The following ADAMTS7 variants were observed in gnomAD, a reference collection of about 807,000 sequenced individuals.
ADAMTS7 encodes the protein A disintegrin and metalloproteinase with thrombospondin motifs 7.
In ADAMTS7, 89 loss-of-function variants were observed where a neutral mutation model predicts 172.6. That is an observed-to-expected ratio of 0.52 (90% CI 0.43 to 0.61). ADAMTS7 has a LOEUF of 0.61. ADAMTS7 is among the 20% of genes least tolerant of loss of function. ADAMTS7 has a pLI of 0.00. For synonymous variants in ADAMTS7, 885 were observed against 978.4 expected, an observed-to-expected ratio of 0.90 and a Z score of 1.78; for missense variants, 1,973 against 2,355.6, an observed-to-expected ratio of 0.84 and a Z score of 3.36.
chr15:78,806,121 CA>C (rs2055788638), intron 1 of ADAMTS7, among the ~76,000 whole-genome samples: 2 of 22,618 alleles, frequency 8.8e-5, no homozygotes, highest in Non-Finnish European at 1.7e-4. Context: ...CACACACACA[CA>C]CACACAAAAA....
Position 78,766,956 on chromosome 15 carries a change from G to A in ADAMTS7, c.2955C>T (p.Ser985=), listed in dbSNP as rs575972963. The A allele has an allele frequency of 1.2e-5, 20 of 1,610,618 alleles. No homozygotes were observed. The highest frequency in any genetic ancestry group is 6.7e-5 in the African/African-American group (5 of 74,972). The change falls in exon 19 of 24, where the codon AGC becomes AGT. Residue 985 remains serine, a synonymous_variant. Transcript: ENST00000388820. ...AGAGTGGCAGAGAGCAGGTGACTTCGCTGGCTGGCTGCTGGGCCTCGTCAC... is the reference window on the plus strand; with the variant it reads ...AGAGTGGCAGAGAGCAGGTGACTTCACTGGCTGGCTGCTGGGCCTCGTCAC... ...VPCDEAQQPA[S]EVTCSLPLCR...
chr15:78,770,054 T>C (rs2055221006), intron 16 of ADAMTS7, among the ~76,000 whole-genome samples: 1 of 151,902 alleles, frequency 6.6e-6, no homozygotes. Flanking sequence ...TCCCAGCTAC[T>C]CGGGAGGCTG....
Position 78,790,059 on chromosome 15 carries a change from C to T in ADAMTS7, c.1029-221G>A, listed in dbSNP as rs142754252. Among the ~76,000 whole-genome samples, 197 of 152,338 alleles carry T rather than the reference C, an allele frequency of 1.3e-3. 1 individual carries two copies. The South Asian group carries it at 0.017, about 13-fold the overall frequency. On this transcript the variant is annotated intron_variant, in intron 6 of 23. Coordinates refer to ENST00000388820, the MANE Select transcript of ADAMTS7 (RefSeq NM_014272.5). Reference sequence around the variant, plus strand: ...TCTTTGGCCCTTGAGAGCACAGACCCGCACAGAACAATTTTGGTTACTATC... The same window carrying T: ...TCTTTGGCCCTTGAGAGCACAGACCTGCACAGAACAATTTTGGTTACTATC...
intron 20 of ADAMTS7, 127 bp downstream of exon 20, chr15:78,764,428 G>A: frequency 2.4e-6 from 3 of 1,260,044 alleles, no homozygotes; most frequent in Non-Finnish European, 3.2e-6. Context: ...AATCCGGTGT[G>A]ATCGGGCACA....
At position 78,771,230 on chromosome 15, in the gene ADAMTS7, T is replaced by G. The variant is rs2055243619; in HGVS notation, c.2450A>C (p.Glu817Ala). The change falls in exon 16 of 24, where the codon GAG (glutamate) becomes GCG (alanine). Residue 817 changes from glutamate to alanine, a missense_variant. Physicochemically the swap from Glu to Ala is moderately radical, Grantham distance 107 (BLOSUM62 -1). Around this residue, in one of 8 missense-constraint regions of ADAMTS7, gnomAD observed 771 missense variants for 952.6 expected, o/e 0.81. Coordinates refer to ENST00000388820, the MANE Select transcript of ADAMTS7 (RefSeq NM_014272.5). This position sits in a 1 kb window ranked among gnomAD's most constrained non-coding sequence, Gnocchi z 4.9. ...TIHREAGGHD[E>A]VPPPVFSWHY... ...CCAGGAGAACACGGGCGGCGGGACC[T>G]CGTCGTGGCCACCTGCCTCCCTGTG... 1.2e-6 allele frequency: 2 copies of G among 1,612,000 alleles called. No individual in the cohort carries two copies. The highest frequency in any genetic ancestry group is 1.3e-5 in the African/African-American group (1 of 74,846).
At position 78,762,411 on chromosome 15, in the gene ADAMTS7, T is replaced by A; in HGVS notation, c.4895A>T (p.Glu1632Val). The change falls in exon 23 of 24, where the codon GAG (glutamate) becomes GTG (valine). Residue 1632 changes from glutamate (E) to valine (V), a missense_variant. Physicochemically the swap from Glu to Val is moderately radical, Grantham distance 121. This residue lies in a region of ADAMTS7 where 94 missense variants were observed against 95.4 expected (regional missense o/e 0.99). Coordinates refer to ENST00000388820, the MANE Select transcript of ADAMTS7 (RefSeq NM_014272.5). ...GGGGTCAGGGGACTCACGGGGAGGC[T>A]CGACGGGCTCACAATCCTCGGTGCC... ...PCGTEDCEPV[E>V]PPRCERDRLS... The A allele has an allele frequency of 6.8e-7, 1 of 1,480,370 alleles. No homozygotes were observed. The highest frequency in any genetic ancestry group is 9.0e-7 in the Non-Finnish European group (1 of 1,111,962). 91.7% of individuals were successfully genotyped at this position (1,480,370 alleles called of 1,614,324 possible).
At position 78,759,790 on chromosome 15, in the gene ADAMTS7, G is replaced by A. The variant is rs1292854123; in HGVS notation, c.4904-212C>T. On this transcript the variant is annotated intron_variant, in intron 23 of 23. Transcript: ENST00000388820. Reference sequence around the variant, plus strand: ...ATGGCCAACCCCAGGACTCGAGAACGGGTGCTGCTGGGCTGAGGTTTCTGG... The same window carrying A: ...ATGGCCAACCCCAGGACTCGAGAACAGGTGCTGCTGGGCTGAGGTTTCTGG... 9.9e-5 allele frequency among the ~76,000 whole-genome samples: 15 copies of A among 152,172 alleles called. No individual in the cohort carries two copies. In the East Asian group the frequency reaches 1.2e-3, roughly 12 times the overall value.
At position 78,798,022 on chromosome 15, in the gene ADAMTS7, A is replaced by G. The variant is rs780907561; in HGVS notation, c.548T>C (p.Val183Ala). 6.3e-7 allele frequency: 1 copy of G among 1,576,696 alleles called. No homozygotes were observed. The highest frequency in any genetic ancestry group is 8.6e-7 in the Non-Finnish European group (1 of 1,166,650). Residue 183 changes from valine (V) to alanine (A), a missense_variant, in exon 3 of 24, where the codon GTG becomes GCG. This residue lies in a region of ADAMTS7 where 306 missense variants were observed against 288.0 expected (regional missense o/e 1.06). Coordinates refer to ENST00000388820, the MANE Select transcript of ADAMTS7 (RefSeq NM_014272.5). Reference sequence around the variant, plus strand: ...CCTCTCCGGGGCCTGACGCTTGTACACCACATGGGGCTGGGCGTGGCCAGG... The same window carrying G: ...CCTCTCCGGGGCCTGACGCTTGTACGCCACATGGGGCTGGGCGTGGCCAGG... ...ARPGHAQPHVVYKRQAPERLA... is the reference protein window; with the variant it reads ...ARPGHAQPHVAYKRQAPERLA...
chr15:78,773,107 T>G lies in ADAMTS7; in HGVS notation c.2107A>C (p.Thr703Pro). Reference sequence around the variant, plus strand: ...CCCAGGCCCTCGGCCTCCTCGAAGGTCCCGCTCACGGTGTGGCAGGTGGAG... The same window carrying G: ...CCCAGGCCCTCGGCCTCCTCGAAGGGCCCGCTCACGGTGTGGCAGGTGGAG... ...NGSTCHTVSGTFEEAEGLGYV... is the reference protein window; with the variant it reads ...NGSTCHTVSGPFEEAEGLGYV... The change falls in exon 14 of 24, where the codon ACC (threonine) becomes CCC (proline). Residue 703 changes from threonine (T) to proline (P), a missense_variant. This residue lies in a region of ADAMTS7 where 771 missense variants were observed against 952.6 expected (regional missense o/e 0.81). Coordinates refer to ENST00000388820, the MANE Select transcript of ADAMTS7 (RefSeq NM_014272.5). 1 of 1,523,386 alleles carries G rather than the reference T, an allele frequency of 6.6e-7. No individual in the cohort carries two copies. The highest frequency in any genetic ancestry group is 2.3e-5 in the East Asian group (1 of 42,948). The allele number at this position is 1,523,386 out of a possible 1,614,324, so 94.4% of individuals were successfully genotyped here. A position where few individuals can be genotyped will look rare whatever the true frequency, so the allele number is the denominator to read the frequency against.
intron 6 of ADAMTS7, among the ~76,000 whole-genome samples, 184 bp from the exon 7 acceptor site, chr15:78,790,022 C>T (rs12905740): frequency 0.19 from 28,812 of 152,232 alleles, 3,139 homozygotes; most frequent in Non-Finnish European, 0.26. Context: ...TACACACAAC[C>T]GGCTGGGCAT....
rs2055862538 is a variant in ADAMTS7, at chr15:78,811,226, G to A, written c.-6C>T. 1 of 1,226,964 alleles carries A rather than the reference G, an allele frequency of 8.2e-7. No individual in the cohort carries two copies. The highest frequency in any genetic ancestry group is 4.3e-5 in the Admixed American group (1 of 23,528). The allele number at this position is 1,226,964 out of a possible 1,614,324, so 76.0% of individuals were successfully genotyped here. On this transcript the variant is annotated 5_prime_UTR_variant, in exon 1 of 24. Transcript: ENST00000388820. ...GGACTGGGGCCGCCGGGCATGGCAG[G>A]AACCGGGCGGCCGCCGGGTGACCCC...
intron 3 of ADAMTS7, among the ~76,000 whole-genome samples, chr15:78,797,562 G>T (rs1438535720): frequency 6.6e-6 from 1 of 152,214 alleles, no homozygotes; most frequent in Non-Finnish European, 1.5e-5. Flanking sequence ...GTGGTGGGAG[G>T]GAAGTTCCTG....
rs1464911429 is a variant in ADAMTS7 at position 78,774,394 on chromosome 15, G to A, written c.1877-94C>T. The A allele has an allele frequency of 4.1e-6, 6 of 1,450,852 alleles. No homozygotes were observed. The African/African-American group carries it at 8.4e-5, about 20-fold the overall frequency. The allele number at this position is 1,450,852 out of a possible 1,614,324, so 89.9% of individuals were successfully genotyped here. A position where few individuals can be genotyped will look rare whatever the true frequency, so the allele number is the denominator to read the frequency against. ...CCTCCGTGACACACATCCATGGCAGGCTGGAGGCTCCCAAGCAGCACCAAC... is the reference window on the plus strand; with the variant it reads ...CCTCCGTGACACACATCCATGGCAGACTGGAGGCTCCCAAGCAGCACCAAC... On this transcript the variant is annotated intron_variant, in intron 12 of 23. Coordinates refer to ENST00000388820, the MANE Select transcript of ADAMTS7 (RefSeq NM_014272.5).
In ADAMTS7 at chr15:78,764,115, C is replaced by T. The variant is rs1183545424; in HGVS notation, c.4420-16G>A. ...TGCGGGAGCACTGGGGACCGAGAGA[C>T]GTGTATGGACACATCCCCATGTGCA... On this transcript the variant is annotated splice_polypyrimidine_tract_variant and intron_variant, in intron 20 of 23. Transcript: ENST00000388820. The T allele has an allele frequency of 6.6e-6, 10 of 1,507,978 alleles. No homozygotes were observed. The highest frequency in any genetic ancestry group is 1.3e-5 in the South Asian group (1 of 78,486). The allele number at this position is 1,507,978 out of a possible 1,614,324, so 93.4% of individuals were successfully genotyped here.
intron 1 of ADAMTS7, among the ~76,000 whole-genome samples, chr15:78,806,091 AACACACACACACACAC>A (rs1216857182): frequency 7.3e-5 from 2 of 27,432 alleles, no homozygotes; most frequent in South Asian, 2.1e-3. Context: ...CCCCCCCAAA[AACACACACACACACAC>A]ACACACACAC....
intron 11 of ADAMTS7, among the ~76,000 whole-genome samples, chr15:78,775,491 A>G (rs1272712151): frequency 6.6e-6 from 1 of 151,812 alleles, no homozygotes; most frequent in Non-Finnish European, 1.5e-5. Context: ...TCAGCCGGGT[A>G]GTGCCTCGGT....
rs1440515467 is a variant in ADAMTS7 at position 78,766,624 on chromosome 15, G to T, written c.3287C>A (p.Pro1096His). The T allele has an allele frequency of 6.8e-6, 11 of 1,608,282 alleles. No homozygotes were observed. The Admixed American group carries it at 1.2e-4, about 17-fold the overall frequency. ...LDLAGTGDRT[P>H]PPHSHPAAPS... ...CGCAGCAGGATGGCTGTGTGGTGGG[G>T]GTGTCCGGTCCCCTGTCCCCGCCAG... is the stretch of plus-strand genomic sequence containing the variant. The change falls in exon 19 of 24, where the codon CCC (proline) becomes CAC (histidine). Residue 1096 changes from proline to histidine, a missense_variant. This residue lies in a region of ADAMTS7 where 771 missense variants were observed against 952.6 expected (regional missense o/e 0.81). Transcript: ENST00000388820.
chr15:78,778,850 G>C (rs1379803570), intron 8 of ADAMTS7, among the ~76,000 whole-genome samples: 1 of 152,192 alleles, frequency 6.6e-6, no homozygotes, highest in East Asian at 1.9e-4. Flanking sequence ...CTGGAGTCCA[G>C]CAGGGAGAGA....
At position 78,763,994 on chromosome 15, in the gene ADAMTS7, T is replaced by A. The variant is rs1363564919; in HGVS notation, c.4525A>T (p.Lys1509Ter). 6.5e-7 allele frequency: 1 copy of A among 1,544,926 alleles called. No individual in the cohort carries two copies. Among genetic ancestry groups the A allele is most frequent in the Admixed American group, 2.0e-5 (1 of 50,594 alleles). ...RPFHCQPGPAKPPAHRPCGAQ... is the reference protein window; with the variant it reads ...RPFHCQPGPA ...CCGCAGGGCCGGTGCGCAGGCGGCT[T>A]GGCAGGCCCGGGCTGACAATGGAAG... Residue 1509 changes from lysine (K) to a stop codon, truncating the protein, a stop_gained, in exon 21 of 24, where the codon AAG becomes TAG. Coordinates refer to ENST00000388820, the MANE Select transcript of ADAMTS7 (RefSeq NM_014272.5). LOFTEE classifies it high-confidence loss of function.
Sources: allele counts gnomAD v4.1 joint callset (sites outside exome capture counted in the v4.1 genomes callset), GRCh38; gene constraint gnomAD v4.1.1; regional missense constraint gnomAD v4.1.1; non-coding constraint Gnocchi (gnomAD v3.1); transcripts MANE v1.5; gene names NCBI Gene and HGNC (gene_info 2026-07-23, HGNC 2026-07-21).